The following CTNND2 variants were observed in gnomAD, a reference collection of about 807,000 sequenced individuals.
CTNND2 encodes the protein catenin delta-2.
CTNND2 carries 22 observed loss-of-function variants against 144.4 expected under a neutral mutation model. The observed-to-expected ratio is 0.15, with a 90% CI of 0.11 to 0.22. The LOEUF is 0.22. Among genes scored for constraint, CTNND2 ranks in the 10% least tolerant of loss-of-function variants. The pLI is 1.00. For missense variants in CTNND2, 1,353 were observed against 1,618.8 expected, an observed-to-expected ratio of 0.84 and a Z score of 2.82; for synonymous variants, 751 against 695.6, an observed-to-expected ratio of 1.08 and a Z score of -1.25.
At chr5:11,382,593 CTCTGTG>C (rs1442945902) in intron 7 of CTNND2, among the ~76,000 whole-genome samples, 2 of 55,870 alleles carry the variant, frequency 3.6e-5, no homozygotes, top group African/African-American at 1.3e-4. Context: ...CAGAGTGAGA[CTCTGTG>C]TGTGTGTGTG....
At chr5:11,273,996 G>A (rs1746275301) in intron 9 of CTNND2, among the ~76,000 whole-genome samples, 1 of 152,062 alleles carries the variant, frequency 6.6e-6, no homozygotes, top group Non-Finnish European at 1.5e-5. Context: ...TTATGCCTTC[G>A]CTTTTCATTT....
chr5:11,776,035 T>C (rs975611059), intron 1 of CTNND2, among the ~76,000 whole-genome samples: 1 of 152,166 alleles, frequency 6.6e-6, no homozygotes, highest in African/African-American at 2.4e-5. Context: ...CGAAGGATTC[T>C]TTCCTAGAGC....
intron 3 of CTNND2, among the ~76,000 whole-genome samples, chr5:11,522,027 G>C (rs1371747017): frequency 6.6e-6 from 1 of 152,168 alleles, no homozygotes; most frequent in Non-Finnish European, 1.5e-5. Context: ...GCATAGTGAA[G>C]GGAGAGATCT....
intron 5 of CTNND2, among the ~76,000 whole-genome samples, chr5:11,410,882 T>C (rs1761467361): frequency 6.6e-6 from 1 of 152,042 alleles, no homozygotes; most frequent in South Asian, 2.1e-4. Flanking sequence ...TAATTTTTTT[T>C]TTTTTTTAAG....
chr5:11,241,062 CACCT>C (rs1397382636), intron 9 of CTNND2, among the ~76,000 whole-genome samples: 1 of 149,124 alleles, frequency 6.7e-6, no homozygotes, highest in Non-Finnish European at 1.5e-5. Flanking sequence ...ACACCACACA[CACCT>C]AACACCCAAC....
At chr5:11,882,230 G>C (rs1411593107) in intron 1 of CTNND2, among the ~76,000 whole-genome samples, 2 of 151,844 alleles carry the variant, frequency 1.3e-5, no homozygotes, top group African/African-American at 2.4e-5. Flanking sequence ...ATATTGATAT[G>C]ATCCCATTTA....
intron 3 of CTNND2, among the ~76,000 whole-genome samples, chr5:11,537,254 C>T (rs1408116199): frequency 1.3e-5 from 2 of 152,066 alleles, no homozygotes; most frequent in Non-Finnish European, 1.5e-5. Flanking sequence ...AGCTATAAAG[C>T]ACCACTTAAA....
chr5:11,103,561 T>G (rs2149674118), intron 14 of CTNND2, among the ~76,000 whole-genome samples: 1 of 152,082 alleles, frequency 6.6e-6, no homozygotes, highest in Non-Finnish European at 1.5e-5. Flanking sequence ...TTCCAGCTAC[T>G]CAGGAGACTG....
In CTNND2 at chr5:11,281,118, C is replaced by G. The variant is rs59803527; in HGVS notation, c.1629-44295G>C. 2.4e-3 allele frequency among the ~76,000 whole-genome samples: 372 copies of G among 152,282 alleles called. 2 individuals are homozygous for G. Among genetic ancestry groups the G allele is most frequent in the African/African-American group, 8.1e-3 (336 of 41,566 alleles). On this transcript the variant is annotated intron_variant, in intron 9 of 21. Transcript: ENST00000304623. Reference sequence around the variant, plus strand: ...TAGTGTATTGCAAAAAATATTATATCAAACATTTTATGTTTTCGGCCTTTT... The same window carrying G: ...TAGTGTATTGCAAAAAATATTATATGAAACATTTTATGTTTTCGGCCTTTT...
At chr5:11,638,091 T>G (rs183637757) in intron 2 of CTNND2, among the ~76,000 whole-genome samples, 20 of 152,304 alleles carry the variant, frequency 1.3e-4, no homozygotes, top group Admixed American at 5.9e-4. Flanking sequence ...GTACTTTAAA[T>G]TAGTCACACC....
At chr5:11,426,395 A>T (rs529117030) in intron 3 of CTNND2, among the ~76,000 whole-genome samples, 1 of 152,292 alleles carries the variant, frequency 6.6e-6, no homozygotes, top group East Asian at 1.9e-4. Flanking sequence ...CACACTTAGA[A>T]GGCCCCATGC....
intron 18 of CTNND2, among the ~76,000 whole-genome samples, chr5:10,996,540 G>A (rs1739370012): frequency 6.6e-6 from 1 of 152,134 alleles, no homozygotes. Context: ...TGTCCTCAGG[G>A]CCGACAGGAG....
At chr5:11,593,208 A>G (rs1779342716) in intron 2 of CTNND2, among the ~76,000 whole-genome samples, 1 of 152,174 alleles carries the variant, frequency 6.6e-6, no homozygotes, top group Non-Finnish European at 1.5e-5. Context: ...ATATAAAAAA[A>G]GTTATAAATT....
chr5:11,710,560 CAGAA>C (rs1326548695), intron 2 of CTNND2, among the ~76,000 whole-genome samples: 17 of 146,886 alleles, frequency 1.2e-4, no homozygotes, highest in Admixed American at 4.7e-4. Flanking sequence ...AAAAAAAAGA[CAGAA>C]AGAAAACTGA....
chr5:11,292,620 C>T (rs182671776), intron 9 of CTNND2, among the ~76,000 whole-genome samples: 3 of 152,268 alleles, frequency 2.0e-5, no homozygotes, highest in Admixed American at 6.5e-5. Flanking sequence ...CCATGTAAGA[C>T]GTACTGGCTT....
rs188597089 is a variant in CTNND2 at position 11,259,536 on chromosome 5, A to C, written c.1629-22713T>G. Among the ~76,000 whole-genome samples the C allele has an allele frequency of 3.1e-3, 474 of 152,254 alleles. 3 individuals are homozygous for C. The highest frequency in any genetic ancestry group is 4.4e-3 in the Non-Finnish European group (300 of 68,014). On this transcript the variant is annotated intron_variant, in intron 9 of 21. Transcript: ENST00000304623. ...GAGACTGCCCAAGTCAGAACTGTCC[A>C]GCTAAGCCCAGTCTACACAGAGAAT...
chr5:11,774,588 T>C (rs1209140012), intron 1 of CTNND2, among the ~76,000 whole-genome samples: 1 of 151,194 alleles, frequency 6.6e-6, no homozygotes, highest in Non-Finnish European at 1.5e-5. Flanking sequence ...ATGGCTTTAG[T>C]CTAAAATACT....
intron 9 of CTNND2, among the ~76,000 whole-genome samples, chr5:11,305,100 T>C (rs1421274070): frequency 6.6e-6 from 1 of 152,202 alleles, no homozygotes; most frequent in Non-Finnish European, 1.5e-5. Flanking sequence ...AGAGGTGGTG[T>C]CTTACCAGGT....
At chr5:11,401,170 TATAGGTC>T (rs1760616618) in intron 5 of CTNND2, among the ~76,000 whole-genome samples, 1 of 152,210 alleles carries the variant, frequency 6.6e-6, no homozygotes, top group Admixed American at 6.5e-5. Flanking sequence ...CAGACCCACT[TATAGGTC>T]ATATCAATAC....
Sources: allele counts gnomAD v4.1 joint callset (sites outside exome capture counted in the v4.1 genomes callset), GRCh38; gene constraint gnomAD v4.1.1; transcripts MANE v1.5; gene names NCBI Gene and HGNC (gene_info 2026-07-23, HGNC 2026-07-21).